Variants in PPP2R2B observed in about 807,000 individuals in gnomAD.
PPP2R2B encodes protein phosphatase 2 regulatory subunit Bbeta.
In PPP2R2B, 5 loss-of-function variants were observed where a neutral mutation model predicts 46.0. That is an observed-to-expected ratio of 0.11 (90% CI 0.06 to 0.23). The LOEUF (loss-of-function observed/expected upper bound fraction) is 0.23. Ranked by LOEUF, PPP2R2B falls within the 10% of genes least tolerant of loss-of-function variation. The pLI is 1.00. For missense variants in PPP2R2B, 367 were observed against 575.0 expected (o/e 0.64, Z 3.70); for synonymous variants, 215 against 206.7 (o/e 1.04, Z -0.34).
chr5:146,749,904 C>CT (rs1046010218), intron 2 of PPP2R2B, among the ~76,000 whole-genome samples: 2 of 151,772 alleles, frequency 1.3e-5, no homozygotes, highest in South Asian at 2.1e-4. Flanking sequence ...GGCCAATTTC[C>CT]TTTTTTTTCT....
intron 1 of PPP2R2B, among the ~76,000 whole-genome samples, chr5:147,053,078 G>C (rs1366508718): frequency 4.0e-5 from 6 of 151,026 alleles, no homozygotes; most frequent in Non-Finnish European, 3.0e-5. Context: ...GTATTTTTTT[G>C]CAACTATCCT....
At chr5:146,781,753 A>G (rs1374641795) in intron 2 of PPP2R2B, among the ~76,000 whole-genome samples, 2 of 152,218 alleles carry the variant, frequency 1.3e-5, no homozygotes, top group Admixed American at 6.5e-5. Context: ...TGAAAACAGT[A>G]TATTTCAGGA....
intron 2 of PPP2R2B, among the ~76,000 whole-genome samples, chr5:146,800,648 C>T (rs939424328): frequency 1.3e-5 from 2 of 151,352 alleles, no homozygotes; most frequent in Non-Finnish European, 2.9e-5. Flanking sequence ...GGGGGGTGGA[C>T]TAGGTCACAT....
chr5:146,923,825 G>T (rs774814977), intron 1 of PPP2R2B, among the ~76,000 whole-genome samples: 1 of 152,098 alleles, frequency 6.6e-6, no homozygotes, highest in African/African-American at 2.4e-5. Flanking sequence ...CCACCCAAAG[G>T]CCCATCAGTG....
At chr5:146,991,411 G>C (rs1561561234) in intron 1 of PPP2R2B, among the ~76,000 whole-genome samples, 1 of 152,114 alleles carries the variant, frequency 6.6e-6, no homozygotes, top group Admixed American at 6.5e-5. Flanking sequence ...GTGATTACCA[G>C]AGGCTAGGGA....
chr5:147,009,069 T>C (rs1754589964), intron 1 of PPP2R2B, among the ~76,000 whole-genome samples: 1 of 152,150 alleles, frequency 6.6e-6, no homozygotes, highest in Non-Finnish European at 1.5e-5. Context: ...TTTAGAAAGC[T>C]CTTAGAAAAA....
At chr5:146,874,787 A>G (rs1008788968) in intron 2 of PPP2R2B, among the ~76,000 whole-genome samples, 3 of 152,162 alleles carry the variant, frequency 2.0e-5, no homozygotes, top group African/African-American at 7.2e-5. Context: ...GATTTGAGAG[A>G]TGAATCCCTG....
At chr5:146,923,684 A>G (rs1021621819) in intron 1 of PPP2R2B, among the ~76,000 whole-genome samples, 1 of 152,248 alleles carries the variant, frequency 6.6e-6, no homozygotes. Flanking sequence ...ACCTAAAATC[A>G]GAAATACCAT....
At chr5:147,005,289 C>T (rs1754382311) in intron 1 of PPP2R2B, among the ~76,000 whole-genome samples, 1 of 152,128 alleles carries the variant, frequency 6.6e-6, no homozygotes, top group Non-Finnish European at 1.5e-5. Context: ...GCAGGTTATG[C>T]CATAGTTAGT....
intron 1 of PPP2R2B, among the ~76,000 whole-genome samples, chr5:146,892,575 C>T (rs1257539633): frequency 1.3e-5 from 2 of 152,168 alleles, no homozygotes; most frequent in South Asian, 2.1e-4. Flanking sequence ...AGTCTTTACC[C>T]CTTCCAAGCC....
intron 5 of PPP2R2B, among the ~76,000 whole-genome samples, chr5:146,689,555 T>C (rs1442143417): frequency 3.3e-5 from 5 of 152,240 alleles, no homozygotes; most frequent in Non-Finnish European, 5.9e-5. Flanking sequence ...TACTCTATGA[T>C]GTTTTCACAA....
intron 5 of PPP2R2B, among the ~76,000 whole-genome samples, chr5:146,668,420 C>T (rs1461415435): frequency 6.6e-6 from 1 of 152,200 alleles, no homozygotes; most frequent in Non-Finnish European, 1.5e-5. Context: ...AATTCTCCCT[C>T]ATAATTTCCC....
chr5:146,743,491 G>A (rs1412768137), intron 2 of PPP2R2B, among the ~76,000 whole-genome samples: 1 of 152,182 alleles, frequency 6.6e-6, no homozygotes, highest in East Asian at 1.9e-4. Flanking sequence ...CACCTAATGA[G>A]AAGGAATTGG....
chr5:146,675,339 T>A (rs1325587052), intron 5 of PPP2R2B, among the ~76,000 whole-genome samples: 5 of 152,332 alleles, frequency 3.3e-5, no homozygotes, highest in African/African-American at 1.2e-4. Context: ...TGAATCTTTA[T>A]TGAGCATCTT....
chr5:146,809,300 T>A (rs978797185), intron 2 of PPP2R2B, among the ~76,000 whole-genome samples: 2 of 152,316 alleles, frequency 1.3e-5, no homozygotes, highest in East Asian at 1.9e-4. Flanking sequence ...CTGACAGGTA[T>A]TAATAAATAA....
chr5:147,081,459 C>A, upstream of PPP2R2B: 2 of 629,500 alleles, frequency 3.2e-6, no homozygotes, highest in Non-Finnish European at 5.5e-6. Flanking sequence ...TGCAGTCATC[C>A]CCTGTGTGAC....
chr5:146,924,617 A>G (rs978985368), intron 1 of PPP2R2B, among the ~76,000 whole-genome samples: 1 of 152,134 alleles, frequency 6.6e-6, no homozygotes, highest in African/African-American at 2.4e-5. Context: ...GTCACACAGG[A>G]CCCTGTGGTC....
intron 2 of PPP2R2B, among the ~76,000 whole-genome samples, chr5:146,845,573 T>G (rs1759950154): frequency 6.6e-6 from 1 of 152,102 alleles, no homozygotes; most frequent in African/African-American, 2.4e-5. Context: ...TATTTCATTT[T>G]CTGTTTTATT....
intron 1 of PPP2R2B, among the ~76,000 whole-genome samples, chr5:146,911,034 T>C (rs1317180241): frequency 1.3e-5 from 2 of 152,020 alleles, no homozygotes; most frequent in East Asian, 1.9e-4. Flanking sequence ...TTTTATATCA[T>C]AGTTCAATCA....
Sources: gnomAD v4.1 joint callset for allele counts (sites outside exome capture counted in the v4.1 genomes callset) on GRCh38, gnomAD v4.1.1 for gene constraint, MANE v1.5 for transcripts, NCBI Gene and HGNC (gene_info 2026-07-23, HGNC 2026-07-21) for gene names.